Variants in SH3PXD2B observed in about 807,000 individuals in gnomAD.
SH3PXD2B encodes the protein SH3 and PX domains 2B, also known as SH3 and PX domain-containing protein 2B.
A neutral mutation model predicts 73.1 loss-of-function variants in SH3PXD2B; 37 were observed. That is an observed-to-expected ratio of 0.51 (90% CI 0.39 to 0.67). SH3PXD2B has a LOEUF of 0.67. Ranked by LOEUF, SH3PXD2B falls within the 30% of genes least tolerant of loss-of-function variation. The pLI is 0.00. For synonymous variants in SH3PXD2B, 457 were observed against 480.5 expected (o/e 0.95, Z 0.64); for missense variants, 1,053 against 1,197.8 (o/e 0.88, Z 1.78).
chr5:172,420,978 C>A (rs28683102), intron 2 of SH3PXD2B, among the ~76,000 whole-genome samples: 1 of 152,092 alleles, frequency 6.6e-6, no homozygotes, highest in African/African-American at 2.4e-5. Flanking sequence ...TCTCCTAGGA[C>A]GTTCAGTTAC....
chr5:172,405,688 C>G (rs1758536472), intron 3 of SH3PXD2B, among the ~76,000 whole-genome samples: 1 of 152,186 alleles, frequency 6.6e-6, no homozygotes, highest in South Asian at 2.1e-4. Context: ...CCTCATGAGA[C>G]CTTGAGCAGA....
Position 172,358,649 on chromosome 5 carries a change from G to C in SH3PXD2B, c.667+124C>G, listed in dbSNP as rs143024824. On this transcript the variant is annotated intron_variant, in intron 8 of 12. Coordinates refer to ENST00000311601, the MANE Select transcript of SH3PXD2B (RefSeq NM_001017995.3). ...CTGGTTCACAGGCCATGGAGCCTCAGCCAGTGAGCTGCTGAGACGCAGAGG... is the reference window on the plus strand; with the variant it reads ...CTGGTTCACAGGCCATGGAGCCTCACCCAGTGAGCTGCTGAGACGCAGAGG... 396 of 907,942 alleles carry C rather than the reference G, an allele frequency of 4.4e-4. 2 individuals carry two copies. The African/African-American group carries it at 5.8e-3, about 13-fold the overall frequency. The allele number at this position is 907,942 out of a possible 1,614,324, so 56.2% of individuals were successfully genotyped here. A position where few individuals can be genotyped will look rare whatever the true frequency, so the allele number is the denominator to read the frequency against.
rs890959860 is a variant in SH3PXD2B, at chr5:172,333,654, A to C, written c.*4715T>G. Reference sequence around the variant, plus strand: ...TATATACTCATTTATTTAATGTGTTAAAGGAAACAAAAACCACCACCGGAA... The same window carrying C: ...TATATACTCATTTATTTAATGTGTTCAAGGAAACAAAAACCACCACCGGAA... On this transcript the variant is annotated 3_prime_UTR_variant, in exon 13 of 13. Transcript: ENST00000311601. 1.6e-5 allele frequency: 21 copies of C among 1,289,172 alleles called. 1 individual carries two copies. In the Middle Eastern group the frequency reaches 6.4e-4, roughly 39 times the overall value. 79.9% of individuals were successfully genotyped at this position (1,289,172 alleles called of 1,614,324 possible). A position where few individuals can be genotyped will look rare whatever the true frequency, so the allele number is the denominator to read the frequency against.
chr5:172,409,655 T>C (rs1758644775), intron 2 of SH3PXD2B, among the ~76,000 whole-genome samples: 1 of 152,200 alleles, frequency 6.6e-6, no homozygotes, highest in African/African-American at 2.4e-5. Context: ...GATTTCCTTA[T>C]TTTTGATGGC....
chr5:172,422,228 C>T (rs1362516819), intron 2 of SH3PXD2B, among the ~76,000 whole-genome samples, 188 bp downstream of exon 2: 2 of 152,138 alleles, frequency 1.3e-5, no homozygotes, highest in African/African-American at 2.4e-5. Flanking sequence ...CTTCTAACCT[C>T]GAGTGATCCA....
chr5:172,423,408 C>T (rs767692353), intron 1 of SH3PXD2B, among the ~76,000 whole-genome samples: 5 of 152,090 alleles, frequency 3.3e-5, no homozygotes, highest in African/African-American at 4.8e-5. Flanking sequence ...TGTTAGAAGC[C>T]CTGGGGTTTC....
At chr5:172,419,006 A>G (rs894519027) in intron 2 of SH3PXD2B, among the ~76,000 whole-genome samples, 2 of 152,200 alleles carry the variant, frequency 1.3e-5, no homozygotes, top group Admixed American at 6.5e-5. Context: ...GACGGCTGAC[A>G]GCTAACGCGC....
Position 172,334,497 on chromosome 5 carries a change from C to T in SH3PXD2B, c.*3872G>A, listed in dbSNP as rs377088532. On this transcript the variant is annotated 3_prime_UTR_variant, in exon 13 of 13. Coordinates refer to ENST00000311601, the MANE Select transcript of SH3PXD2B (RefSeq NM_001017995.3). ...CAGTCTACACAACAGCCCTGCAGAACGGGCCTGGACAACCCTTGGGGGATA... is the reference window on the plus strand; with the variant it reads ...CAGTCTACACAACAGCCCTGCAGAATGGGCCTGGACAACCCTTGGGGGATA... 21 of 985,642 alleles carry T rather than the reference C, an allele frequency of 2.1e-5. No homozygotes were observed. The East Asian group carries it at 1.0e-3, about 48-fold the overall frequency. The allele number at this position is 985,642 out of a possible 1,614,324, so 61.1% of individuals were successfully genotyped here.
intron 3 of SH3PXD2B, among the ~76,000 whole-genome samples, chr5:172,399,374 T>C (rs1384858935): frequency 6.6e-6 from 1 of 152,170 alleles, no homozygotes; most frequent in Non-Finnish European, 1.5e-5. Context: ...AAAGGCTGAG[T>C]TAATTGCTAT....
intron 8 of SH3PXD2B, among the ~76,000 whole-genome samples, chr5:172,354,518 G>A (rs919062816): frequency 1.3e-5 from 2 of 152,186 alleles, no homozygotes; most frequent in Non-Finnish European, 2.9e-5. Flanking sequence ...TAGCAAATCA[G>A]TCAATATGCA....
At chr5:172,363,101 G>T (rs1230353678) in intron 6 of SH3PXD2B, among the ~76,000 whole-genome samples, 6 of 152,116 alleles carry the variant, frequency 3.9e-5, no homozygotes, top group Admixed American at 3.9e-4. Flanking sequence ...TTAAGATATG[G>T]TACCTGCTCT....
chr5:172,388,507 T>C (rs1216950509), intron 4 of SH3PXD2B, among the ~76,000 whole-genome samples: 2 of 152,272 alleles, frequency 1.3e-5, no homozygotes, highest in Non-Finnish European at 2.9e-5. Flanking sequence ...AACTTCCCCG[T>C]GGCTCATTTA....
At chr5:172,443,086 T>C (rs1759583738) in intron 1 of SH3PXD2B, among the ~76,000 whole-genome samples, 1 of 152,204 alleles carries the variant, frequency 6.6e-6, no homozygotes, top group African/African-American at 2.4e-5. Flanking sequence ...GTTATCAAAA[T>C]GTTTCAAAAA....
intron 4 of SH3PXD2B, among the ~76,000 whole-genome samples, chr5:172,386,163 C>G (rs1470453279): frequency 6.6e-6 from 1 of 152,228 alleles, no homozygotes; most frequent in Non-Finnish European, 1.5e-5. Flanking sequence ...CACTGCCTCT[C>G]TGAGCCTCAG....
chr5:172,338,858 C>T lies in SH3PXD2B; in HGVS notation c.2247G>A (p.Glu749=). ...GGACCACAGGTCTCTGCTGGGGAGCCTCTTGGAGAGGAACAGGCACGCTCT... is the reference window on the plus strand; with the variant it reads ...GGACCACAGGTCTCTGCTGGGGAGCTTCTTGGAGAGGAACAGGCACGCTCT... The part of the protein sequence containing the change: ...VSKSVPVPLQ[E]APQQRPVVPP... Residue 749 remains glutamate, a synonymous_variant, in exon 13 of 13, where the codon GAG becomes GAA. Coordinates refer to ENST00000311601, the MANE Select transcript of SH3PXD2B (RefSeq NM_001017995.3). This position sits in a 1 kb window ranked among gnomAD's most constrained non-coding sequence, Gnocchi z 5.1. The T allele has an allele frequency of 6.2e-7, 1 of 1,612,774 alleles. No individual in the cohort carries two copies.
downstream of SH3PXD2B, among the ~76,000 whole-genome samples, chr5:172,329,727 C>T (rs544270069): frequency 6.0e-4 from 91 of 151,994 alleles, no homozygotes; most frequent in African/African-American, 1.9e-3. Flanking sequence ...TTAGTAGAGA[C>T]AGGGTTTCAC....
rs1271743799 is a variant in SH3PXD2B, at chr5:172,421,616, A to T, written c.156+800T>A. On this transcript the variant is annotated intron_variant, in intron 2 of 12. Coordinates refer to ENST00000311601, the MANE Select transcript of SH3PXD2B (RefSeq NM_001017995.3). The surrounding 1 kb of genome is among the most constrained non-coding windows in gnomAD (Gnocchi z 4.0). ...CCCTCGCTGGCCAGGGAACAAAGGC[A>T]AGGTTTCCTAGGGGATGAGAGTCCT... 2.0e-5 allele frequency among the ~76,000 whole-genome samples: 3 copies of T among 152,148 alleles called. No homozygotes were observed. The highest frequency in any genetic ancestry group is 2.9e-5 in the Non-Finnish European group (2 of 68,018).
downstream of SH3PXD2B, chr5:172,333,394 C>G (rs887702450): frequency 1.5e-6 from 1 of 656,290 alleles, no homozygotes; most frequent in African/African-American, 2.0e-5. Context: ...CTCCACAGTT[C>G]CCAAACATAG....
chr5:172,346,064 C>A, intron 12 of SH3PXD2B, 72 bp downstream of exon 12: 1 of 1,609,616 alleles, frequency 6.2e-7, no homozygotes, highest in Non-Finnish European at 8.5e-7. Context: ...TAGGAGGTGA[C>A]AGGGGAGAAG....
Sources: gnomAD v4.1 joint callset for allele counts (sites outside exome capture counted in the v4.1 genomes callset) on GRCh38, gnomAD v4.1.1 for gene constraint, Gnocchi (gnomAD v3.1) non-coding constraint, MANE v1.5 for transcripts, NCBI Gene and HGNC (gene_info 2026-07-23, HGNC 2026-07-21) for gene names.